Variants in ZC3HAV1 observed in about 807,000 individuals in gnomAD.
The protein encoded by ZC3HAV1 is zinc finger CCCH-type containing, antiviral 1.
Under a neutral mutation model 86.6 loss-of-function variants are expected in ZC3HAV1, and 41 were observed. The ratio of observed to expected loss-of-function variants is 0.47; its 90% CI spans 0.37 to 0.61. The LOEUF (loss-of-function observed/expected upper bound fraction) is 0.61, where lower values mean the gene tolerates loss of function less well. ZC3HAV1 is among the 20% of genes least tolerant of loss of function. The pLI is 0.00. For missense variants in ZC3HAV1, 964 were observed against 1,141.1 expected, an observed-to-expected ratio of 0.84 and a Z score of 2.24; for synonymous variants, 421 against 432.1, an observed-to-expected ratio of 0.97 and a Z score of 0.32.
chr7:139,104,524 GGC>G (rs1399284786), intron 1 of ZC3HAV1, among the ~76,000 whole-genome samples: 5 of 150,466 alleles, frequency 3.3e-5, no homozygotes, highest in African/African-American at 9.8e-5. Flanking sequence ...GACCAGACTG[GGC>G]AACATAGTGA....
At chr7:139,078,066 C>T (rs181249478) in intron 5 of ZC3HAV1, among the ~76,000 whole-genome samples, 30 of 152,314 alleles carry the variant, frequency 2.0e-4, no homozygotes, top group Non-Finnish European at 3.4e-4. Context: ...TGCAAAAACT[C>T]CGTCTCTACT....
rs1817028312 is a variant in ZC3HAV1 at position 139,078,615 on chromosome 7, C to T, written c.1510G>A (p.Val504Met). 2 of 1,590,082 alleles carry T rather than the reference C, an allele frequency of 1.3e-6. No homozygotes were observed. The highest frequency in any genetic ancestry group is 1.7e-6 in the Non-Finnish European group (2 of 1,173,766). The change falls in exon 5 of 13, where the codon GTG (valine) becomes ATG (methionine). Residue 504 changes from valine (V) to methionine (M), a missense_variant. Transcript: ENST00000242351. The part of the protein sequence containing the change: ...SDVTSTTSSR[V>M]DDHDSEEICL... ...ATTTCCTCTGAGTCATGATCATCCA[C>T]CCTAGAAGATGTGGTACTTGTGACA...
At chr7:139,074,089 C>T in intron 6 of ZC3HAV1, 59 bp from the exon 7 acceptor site, 4 of 1,510,208 alleles carry the variant, frequency 2.6e-6, no homozygotes, top group South Asian at 1.2e-5. Flanking sequence ...TTTCTACAAT[C>T]TCGTCTTCCC....
chr7:139,100,796 C>T (rs1198971842), intron 1 of ZC3HAV1, among the ~76,000 whole-genome samples: 1 of 150,158 alleles, frequency 6.7e-6, no homozygotes, highest in Admixed American at 6.6e-5. Flanking sequence ...CCTCTCTTTC[C>T]ACGGTCTCCC....
chr7:139,075,878 T>G lies in ZC3HAV1; in HGVS notation c.1697+408A>C, dbSNP rs182728711. Among the ~76,000 whole-genome samples, 233 of 152,366 alleles carry G rather than the reference T, an allele frequency of 1.5e-3. 3 individuals carry two copies. The highest frequency in any genetic ancestry group is 5.5e-3 in the African/African-American group (227 of 41,588). On this transcript the variant is annotated intron_variant, in intron 6 of 12. Coordinates refer to ENST00000242351, the MANE Select transcript of ZC3HAV1 (RefSeq NM_020119.4). ...AATTATTCAAACCGTGTTTTTAAAT[T>G]ATGAAGTTAAGCCAAAGGCTCTTTT...
chr7:139,043,861 G>A lies in ZC3HAV1; in HGVS notation c.*3733C>T, dbSNP rs765687808. The A allele has an allele frequency of 2.0e-5, 3 of 152,198 alleles. No homozygotes were observed. Among genetic ancestry groups the A allele is most frequent in the African/African-American group, 7.2e-5 (3 of 41,452 alleles). 9.4% of individuals were successfully genotyped at this position (152,198 alleles called of 1,614,324 possible). ...TTCTGTAGAAGGACTCCTTAGGAAA[G>A]TAACAGTTGAGCCAATCTAAGGATG... On this transcript the variant is annotated 3_prime_UTR_variant, in exon 13 of 13. Transcript: ENST00000242351.
chr7:139,045,217 A>C lies in ZC3HAV1; in HGVS notation c.*2377T>G, dbSNP rs949988069. Reference sequence around the variant, plus strand: ...AGGATAATAAAGAAGATGTATTTCTATTTGTCGTTTAGAAAAAAAAAGGCA... The same window carrying C: ...AGGATAATAAAGAAGATGTATTTCTCTTTGTCGTTTAGAAAAAAAAAGGCA... On this transcript the variant is annotated 3_prime_UTR_variant, in exon 13 of 13. Coordinates refer to ENST00000242351, the MANE Select transcript of ZC3HAV1 (RefSeq NM_020119.4). 1.3e-5 allele frequency: 2 copies of C among 152,098 alleles called. No individual in the cohort carries two copies. The highest frequency in any genetic ancestry group is 4.8e-5 in the African/African-American group (2 of 41,424). The allele number at this position is 152,098 out of a possible 1,614,324, so 9.4% of individuals were successfully genotyped here.
At chr7:139,065,483 T>G (rs1333176243) in intron 7 of ZC3HAV1, among the ~76,000 whole-genome samples, 2 of 151,986 alleles carry the variant, frequency 1.3e-5, no homozygotes, top group Admixed American at 1.3e-4. Context: ...AGTTGCAGTG[T>G]TCAAATATAA....
intron 9 of ZC3HAV1, 88 bp from the exon 10 acceptor site, chr7:139,055,383 G>T: frequency 9.4e-7 from 1 of 1,059,942 alleles, no homozygotes; most frequent in Non-Finnish European, 1.4e-6. Context: ...CTAGGCCAAG[G>T]ATGCCTAGAG....
Position 139,083,808 on chromosome 7 carries a change from GTGCT to G in ZC3HAV1, c.665_668del (p.Lys222ThrfsTer109). ...TGGGCCCTGGGGGATTCTTCTGCAT[GTGCT>G]TGCTGTTGCAGATGTCCTGGATGTT... On this transcript the variant is annotated frameshift_variant, in exon 3 of 13. Transcript: ENST00000242351. LOFTEE classifies it high-confidence loss of function. 2 of 1,613,072 alleles carry G rather than the reference GTGCT, an allele frequency of 1.2e-6. No individual in the cohort carries two copies. The highest frequency in any genetic ancestry group is 1.7e-6 in the Non-Finnish European group (2 of 1,179,414).
chr7:139,072,053 AG>A (rs1232857363), intron 7 of ZC3HAV1, among the ~76,000 whole-genome samples: 2 of 152,376 alleles, frequency 1.3e-5, no homozygotes, highest in African/African-American at 4.8e-5. Flanking sequence ...CCAAATGTAT[AG>A]CCCACTGACT....
At chr7:139,095,476 G>C (rs13228237) in intron 1 of ZC3HAV1, among the ~76,000 whole-genome samples, 38,159 of 152,024 alleles carry the variant, frequency 0.25, 5,055 homozygotes, top group East Asian at 0.42. Flanking sequence ...CCAGAACACA[G>C]CAGGCACAAA....
intron 12 of ZC3HAV1, chr7:139,049,927 T>A (rs1187232456): frequency 6.4e-6 from 1 of 155,124 alleles, no homozygotes; most frequent in Non-Finnish European, 1.4e-5. Context: ...ATGGGTGTCC[T>A]TAGAGTGAAC....
intron 3 of ZC3HAV1, among the ~76,000 whole-genome samples, chr7:139,080,937 G>T (rs1174510006): frequency 3.9e-5 from 6 of 152,164 alleles, no homozygotes; most frequent in African/African-American, 1.4e-4. Context: ...CTAAAGGCCT[G>T]ACTTTGTTTA....
chr7:139,083,836 T>C lies in ZC3HAV1; in HGVS notation c.641A>G (p.Asn214Ser). The C allele has an allele frequency of 1.2e-6, 2 of 1,614,116 alleles. No homozygotes were observed. Among genetic ancestry groups the C allele is most frequent in the Non-Finnish European group, 1.7e-6 (2 of 1,180,020 alleles). Residue 214 changes from asparagine to serine, a missense_variant, in exon 3 of 13, where the codon AAC (asparagine) becomes AGC (serine). Transcript: ENST00000242351. ...EHGLNPDVVQ[N>S]IQDICNSKHM... Reference sequence around the variant, plus strand: ...CTTGCTGTTGCAGATGTCCTGGATGTTCTGGACCACGTCGGGGTTCAGCCC... The same window carrying C: ...CTTGCTGTTGCAGATGTCCTGGATGCTCTGGACCACGTCGGGGTTCAGCCC...
intron 1 of ZC3HAV1, among the ~76,000 whole-genome samples, chr7:139,090,173 A>G (rs1817390032): frequency 6.6e-6 from 1 of 152,176 alleles, no homozygotes; most frequent in South Asian, 2.1e-4. Flanking sequence ...CATCCGCCTC[A>G]GCCTCCTAAA....
chr7:139,080,219 A>G lies in ZC3HAV1; in HGVS notation c.722T>C (p.Met241Thr), dbSNP rs780029396. ...PRAPSSHRRN[M>T]AYRARSKSRD... is the part of the protein sequence containing the mutation. ...ACTCTTGCTTCTAGCCCTATATGCC[A>G]TGTTTCTACGATGTGAAGAAGGAGC... Residue 241 changes from methionine (M) to threonine (T), a missense_variant, in exon 4 of 13, where the codon ATG becomes ACG. Physicochemically the swap from Met to Thr is moderately conservative, Grantham distance 81. Transcript: ENST00000242351. 3.1e-6 allele frequency: 5 copies of G among 1,614,178 alleles called. No homozygotes were observed. The highest frequency in any genetic ancestry group is 1.1e-5 in the South Asian group (1 of 91,084).
chr7:139,060,029 T>C (rs1291463717), intron 9 of ZC3HAV1, among the ~76,000 whole-genome samples: 1 of 152,182 alleles, frequency 6.6e-6, no homozygotes, highest in Admixed American at 6.5e-5. Context: ...AGATCCAGCA[T>C]CCAGGCTGTT....
At chr7:139,083,663 G>T (rs1266836106) in intron 3 of ZC3HAV1, 117 bp downstream of exon 3, 2 of 1,339,058 alleles carry the variant, frequency 1.5e-6, no homozygotes, top group African/African-American at 1.5e-5. Context: ...GGAGGCAGAG[G>T]TTGCAGTGAG....
Sources: allele counts gnomAD v4.1 joint callset (sites outside exome capture counted in the v4.1 genomes callset), GRCh38; gene constraint gnomAD v4.1.1; transcripts MANE v1.5; gene names NCBI Gene and HGNC (gene_info 2026-07-23, HGNC 2026-07-21).